Variants in KCNH7 observed in about 807,000 individuals in gnomAD.
The protein encoded by KCNH7 is potassium voltage-gated channel subfamily H member 7.
In KCNH7, 49 loss-of-function variants were observed where a neutral mutation model predicts 120.8. The ratio of observed to expected loss-of-function variants is 0.41; its 90% CI spans 0.32 to 0.51. KCNH7 has a LOEUF of 0.51. Ranked by LOEUF, KCNH7 falls within the 20% of genes least tolerant of loss-of-function variation. The probability of loss-of-function intolerance (pLI) is 0.38; values close to 1 mark genes in which losing one functional copy is unlikely to be tolerated. For missense variants in KCNH7, 1,097 were observed against 1,446.6 expected (o/e 0.76, Z 3.92); for synonymous variants, 547 against 516.1 (o/e 1.06, Z -0.81).
At chr2:162,744,899 C>T (rs1688264261) in intron 2 of KCNH7, among the ~76,000 whole-genome samples, 2 of 152,112 alleles carry the variant, frequency 1.3e-5, no homozygotes, top group Non-Finnish European at 2.9e-5. Flanking sequence ...ACAACTCTAA[C>T]CTGTGATTCC....
intron 2 of KCNH7, among the ~76,000 whole-genome samples, chr2:162,577,357 CT>C (rs1381849638): frequency 0.037 from 2,330 of 62,436 alleles, 25 homozygotes; most frequent in Non-Finnish European, 0.064. Context: ...TCCTATCTAT[CT>C]ATCTATCTAT....
chr2:162,823,300 C>G (rs1290195855), intron 2 of KCNH7, among the ~76,000 whole-genome samples: 1 of 151,924 alleles, frequency 6.6e-6, no homozygotes, highest in Non-Finnish European at 1.5e-5. Context: ...CTTATTAGTA[C>G]TATTATTTAA....
At chr2:162,700,770 T>G (rs1316383600) in intron 2 of KCNH7, among the ~76,000 whole-genome samples, 1 of 152,218 alleles carries the variant, frequency 6.6e-6, no homozygotes, top group Non-Finnish European at 1.5e-5. Flanking sequence ...GTTTCTTTTT[T>G]GAGTCTGTCA....
At chr2:162,419,472 C>T (rs1348979144) in intron 9 of KCNH7, among the ~76,000 whole-genome samples, 1 of 151,896 alleles carries the variant, frequency 6.6e-6, no homozygotes, top group African/African-American at 2.4e-5. Context: ...TATTGGAAAA[C>T]AACAAATTTA....
At chr2:162,458,876 T>TG (rs946504424) in intron 6 of KCNH7, among the ~76,000 whole-genome samples, 36 of 152,022 alleles carry the variant, frequency 2.4e-4, no homozygotes, top group Admixed American at 1.3e-3. Context: ...CGTGATGGCA[T>TG]GTGCCTGTGG....
intron 2 of KCNH7, among the ~76,000 whole-genome samples, chr2:162,680,868 C>T (rs56222445): frequency 0.16 from 24,141 of 151,674 alleles, 2,263 homozygotes; most frequent in East Asian, 0.46. Context: ...ATCAGGAAAA[C>T]GCCCATAGGG....
At chr2:162,645,752 C>T (rs920945696) in intron 2 of KCNH7, among the ~76,000 whole-genome samples, 1 of 152,094 alleles carries the variant, frequency 6.6e-6, no homozygotes. Flanking sequence ...GTAGAATGTA[C>T]AACAGTATCC....
At chr2:162,451,887 G>A (rs946415163) in intron 6 of KCNH7, among the ~76,000 whole-genome samples, 4 of 151,934 alleles carry the variant, frequency 2.6e-5, no homozygotes, top group Non-Finnish European at 4.4e-5. Context: ...GTAGAAGCAG[G>A]CCAGCCCAGA....
intron 2 of KCNH7, among the ~76,000 whole-genome samples, chr2:162,628,274 T>C (rs1683628346): frequency 1.3e-5 from 2 of 152,108 alleles, no homozygotes; most frequent in Non-Finnish European, 2.9e-5. Flanking sequence ...CAAGGAAATT[T>C]CATCCTCTCC....
At chr2:162,707,983 T>G (rs1686778177) in intron 2 of KCNH7, among the ~76,000 whole-genome samples, 1 of 152,018 alleles carries the variant, frequency 6.6e-6, no homozygotes, top group Non-Finnish European at 1.5e-5. Context: ...TTCTTAAAAT[T>G]ATAACCTCCC....
At chr2:162,610,966 C>T (rs1682943106) in intron 2 of KCNH7, among the ~76,000 whole-genome samples, 2 of 152,194 alleles carry the variant, frequency 1.3e-5, no homozygotes, top group Non-Finnish European at 1.5e-5. Flanking sequence ...CAGAAGGACT[C>T]AGATCCTGCT....
intron 2 of KCNH7, among the ~76,000 whole-genome samples, chr2:162,625,316 G>T (rs951589198): frequency 6.6e-6 from 1 of 151,090 alleles, no homozygotes; most frequent in African/African-American, 2.5e-5. Flanking sequence ...ATCTATAAAA[G>T]AAGGAAAAGG....
chr2:162,530,269 T>G (rs1373283757), intron 3 of KCNH7, among the ~76,000 whole-genome samples: 1 of 152,052 alleles, frequency 6.6e-6, no homozygotes, highest in African/African-American at 2.4e-5. Flanking sequence ...TACTTAATCT[T>G]TGTAATTTAA....
chr2:162,536,393 C>A (rs1235304317), intron 3 of KCNH7, among the ~76,000 whole-genome samples: 4 of 151,906 alleles, frequency 2.6e-5, no homozygotes, highest in Non-Finnish European at 5.9e-5. Context: ...CTACTTCTCA[C>A]TTATGATAAT....
At chr2:162,683,088 A>G (rs1228899615) in intron 2 of KCNH7, among the ~76,000 whole-genome samples, 1 of 151,876 alleles carries the variant, frequency 6.6e-6, no homozygotes, top group Non-Finnish European at 1.5e-5. Flanking sequence ...GCATTGTAGC[A>G]AAAAGTATAA....
chr2:162,604,924 G>A lies in KCNH7; in HGVS notation c.308-67844C>T, dbSNP rs143183413. On this transcript the variant is annotated intron_variant, in intron 2 of 15. Transcript: ENST00000332142. ...AAACTGGATTTTTTAGTATACAAAAGTGAGTACTGTTAAATAGCTAAAAAT... is the reference window on the plus strand; with the variant it reads ...AAACTGGATTTTTTAGTATACAAAAATGAGTACTGTTAAATAGCTAAAAAT... 2.9e-3 allele frequency among the ~76,000 whole-genome samples: 447 copies of A among 152,162 alleles called. 1 individual carries two copies. The highest frequency in any genetic ancestry group is 0.01 in the African/African-American group (425 of 41,554).
chr2:162,687,195 C>T (rs1685924292), intron 2 of KCNH7, among the ~76,000 whole-genome samples: 1 of 152,070 alleles, frequency 6.6e-6, no homozygotes, highest in Admixed American at 6.6e-5. Flanking sequence ...CACTCCCTCA[C>T]ATTCACAACC....
intron 2 of KCNH7, among the ~76,000 whole-genome samples, chr2:162,650,782 G>A (rs13424395): frequency 0.023 from 3,430 of 152,168 alleles, 59 homozygotes; most frequent in South Asian, 0.052. Context: ...GTATGCTTTT[G>A]TACTCATTCT....
chr2:162,415,883 G>A (rs892366917), intron 9 of KCNH7, among the ~76,000 whole-genome samples: 4 of 152,032 alleles, frequency 2.6e-5, no homozygotes, highest in Admixed American at 1.3e-4. Context: ...CTTCCACTCT[G>A]CTTTTACTCC....
Sources: gnomAD v4.1 joint callset for allele counts (sites outside exome capture counted in the v4.1 genomes callset) on GRCh38, gnomAD v4.1.1 for gene constraint, MANE v1.5 for transcripts, NCBI Gene and HGNC (gene_info 2026-07-23, HGNC 2026-07-21) for gene names.